Variants in SLC28A1 observed in about 807,000 individuals in gnomAD.
The protein encoded by SLC28A1 is sodium/nucleoside cotransporter 1.
In SLC28A1, 64 loss-of-function variants were observed where a neutral mutation model predicts 74.8. The observed-to-expected ratio is 0.86, with a 90% confidence interval of 0.70 to 1.05. The LOEUF (loss-of-function observed/expected upper bound fraction) is 1.05, where lower values mean the gene tolerates loss of function less well. Among genes scored for constraint, SLC28A1 ranks in the 50% least tolerant of loss-of-function variants. SLC28A1 has a pLI of 0.00. For missense variants in SLC28A1, 828 were observed against 822.8 expected (o/e 1.01, Z -0.08); for synonymous variants, 359 against 335.0 (o/e 1.07, Z -0.78).
intron 9 of SLC28A1, among the ~76,000 whole-genome samples, chr15:84,912,847 C>CACACACACA (rs60379618): frequency 7.6e-6 from 1 of 130,972 alleles, no homozygotes; most frequent in Admixed American, 7.5e-5. Context: ...CACACACACA[C>CACACACACA]AGATCAAATA....
chr15:84,951,137 G>A, the SLC28A1 span, among the ~76,000 whole-genome samples: 56 of 152,296 alleles, frequency 3.7e-4, 1 homozygote, highest in East Asian at 3.7e-3. Flanking sequence ...GGCAACACCC[G>A]AGAGATGGAG....
At chr15:84,919,775 G>A (rs1396092420) in intron 10 of SLC28A1, among the ~76,000 whole-genome samples, 2 of 152,076 alleles carry the variant, frequency 1.3e-5, no homozygotes, top group Non-Finnish European at 2.9e-5. Context: ...CGTTACAATG[G>A]CAATCAAATA....
intron 6 of SLC28A1, among the ~76,000 whole-genome samples, chr15:84,902,786 G>T (rs1258745199): frequency 6.7e-6 from 1 of 149,480 alleles, no homozygotes; most frequent in African/African-American, 2.5e-5. Context: ...CTGGAGTGCC[G>T]TAGTGCGATC....
the SLC28A1 span, among the ~76,000 whole-genome samples, chr15:84,961,931 C>T: frequency 1.3e-5 from 2 of 152,110 alleles, no homozygotes; most frequent in Admixed American, 1.3e-4. Context: ...TACATTTGCT[C>T]CTCCCCTGGC....
At chr15:84,932,297 A>G (rs937843005) in intron 12 of SLC28A1, among the ~76,000 whole-genome samples, 1 of 152,124 alleles carries the variant, frequency 6.6e-6, no homozygotes, top group African/African-American at 2.4e-5. Flanking sequence ...TAAATGACAC[A>G]GTGATAGGGG....
chr15:84,915,470 C>T (rs1005696570), intron 9 of SLC28A1, among the ~76,000 whole-genome samples: 4 of 152,212 alleles, frequency 2.6e-5, no homozygotes, highest in East Asian at 1.9e-4. Context: ...CAGCCCTTGC[C>T]GGGCCCTCAC....
chr15:84,967,640 C>T, the SLC28A1 span, among the ~76,000 whole-genome samples: 2 of 152,176 alleles, frequency 1.3e-5, no homozygotes, highest in Non-Finnish European at 2.9e-5. Context: ...TGGCAGCAGA[C>T]GTTGTCCCTT....
At chr15:84,906,512 G>GTTTC (rs1465366428) in intron 8 of SLC28A1, among the ~76,000 whole-genome samples, 2 of 65,114 alleles carry the variant, frequency 3.1e-5, no homozygotes, top group African/African-American at 1.4e-4. Context: ...TTGTTTGTTT[G>GTTTC]TTTGTTTGTT....
In SLC28A1 at chr15:84,921,217, A is replaced by T. The variant is rs550280476; in HGVS notation, c.957+148A>T. ...CATCAAATTCTGCTGCTCCAGGGAT[A>T]CTCTGTTTGGGGGATGCCTGGGTCA... On this transcript the variant is annotated intron_variant, in intron 11 of 18. Transcript: ENST00000394573. 564 of 716,872 alleles carry T rather than the reference A, an allele frequency of 7.9e-4. 5 individuals carry two copies. The African/African-American group carries it at 8.2e-3, about 10-fold the overall frequency. The allele number at this position is 716,872 out of a possible 1,614,324, so 44.4% of individuals were successfully genotyped here.
chr15:84,922,150 C>T (rs1255594749), intron 11 of SLC28A1, among the ~76,000 whole-genome samples: 1 of 152,132 alleles, frequency 6.6e-6, no homozygotes, highest in Admixed American at 6.5e-5. Context: ...TGTCCATCCA[C>T]ACTCCCTCCC....
At chr15:84,887,653 C>A in intron 2 of SLC28A1, 92 bp from the exon 3 acceptor site, 3 of 1,560,012 alleles carry the variant, frequency 1.9e-6, no homozygotes, top group South Asian at 1.2e-5. Flanking sequence ...TCTGCTCCCC[C>A]CACTCAGTCC....
chr15:84,945,727 C>T lies in SLC28A1; in HGVS notation c.*527C>T, dbSNP rs983684171. 1.6e-4 allele frequency: 28 copies of T among 175,502 alleles called. No individual in the cohort carries two copies. The highest frequency in any genetic ancestry group is 5.7e-4 in the African/African-American group (24 of 42,288). 10.9% of individuals were successfully genotyped at this position (175,502 alleles called of 1,614,324 possible). ...TCCCATGGCACACTGTCCTGGGAGGCGTTCAGAGGGTTCCATGATGGACTA... is the reference window on the plus strand; with the variant it reads ...TCCCATGGCACACTGTCCTGGGAGGTGTTCAGAGGGTTCCATGATGGACTA... On this transcript the variant is annotated 3_prime_UTR_variant, in exon 19 of 19. Coordinates refer to ENST00000394573, the MANE Select transcript of SLC28A1 (RefSeq NM_004213.5).
chr15:84,963,300 C>G, the SLC28A1 span, among the ~76,000 whole-genome samples: 1 of 152,154 alleles, frequency 6.6e-6, no homozygotes, highest in Non-Finnish European at 1.5e-5. Flanking sequence ...CCCATGTGAC[C>G]CATAGCTGAG....
chr15:84,915,474 C>G lies in SLC28A1; in HGVS notation c.796-3050C>G, dbSNP rs546840720. The stretch of plus-strand genomic sequence containing the variant: ...AAAAATAAAAGCAGCCCTTGCCGGG[C>G]CCTCACCAGTCTCCGGCAGTGAGCA... On this transcript the variant is annotated intron_variant, in intron 9 of 18. Coordinates refer to ENST00000394573, the MANE Select transcript of SLC28A1 (RefSeq NM_004213.5). 1.4e-4 allele frequency among the ~76,000 whole-genome samples: 21 copies of G among 152,336 alleles called. No homozygotes were observed. In the South Asian group the frequency reaches 3.5e-3, roughly 26 times the overall value.
chr15:84,922,007 G>A (rs1030162437), intron 11 of SLC28A1, among the ~76,000 whole-genome samples: 1 of 152,242 alleles, frequency 6.6e-6, no homozygotes, highest in Non-Finnish European at 1.5e-5. Context: ...CTTTGGACAA[G>A]CTGTTGATTA....
chr15:84,929,361 A>G (rs1255850304), intron 12 of SLC28A1, among the ~76,000 whole-genome samples: 1 of 151,864 alleles, frequency 6.6e-6, no homozygotes, highest in East Asian at 1.9e-4. Flanking sequence ...CCTGGGCAAC[A>G]TGGAGAAACC....
intron 16 of SLC28A1, among the ~76,000 whole-genome samples, chr15:84,943,974 G>T (rs1973009712): frequency 6.6e-6 from 1 of 152,122 alleles, no homozygotes; most frequent in South Asian, 2.1e-4. Context: ...CCGATTCTCT[G>T]CTGCTGCTGG....
At chr15:84,909,781 G>A (rs576705781) in intron 9 of SLC28A1, among the ~76,000 whole-genome samples, 1 of 152,344 alleles carries the variant, frequency 6.6e-6, no homozygotes, top group Non-Finnish European at 1.5e-5. Context: ...GCACTGAGAG[G>A]GAAATCAGGG....
intron 6 of SLC28A1, among the ~76,000 whole-genome samples, chr15:84,901,094 C>T (rs1241149723): frequency 2.6e-5 from 4 of 152,116 alleles, no homozygotes; most frequent in Non-Finnish European, 2.9e-5. Context: ...TAGTGGCGCA[C>T]ACCTGTAGTC....
Sources: gnomAD v4.1 joint callset for allele counts (sites outside exome capture counted in the v4.1 genomes callset) on GRCh38, gnomAD v4.1.1 for gene constraint, MANE v1.5 for transcripts, NCBI Gene and HGNC (gene_info 2026-07-23, HGNC 2026-07-21) for gene names.